The following AHI1 variants were observed in gnomAD, a reference collection of about 807,000 sequenced individuals.
AHI1 encodes Abelson helper integration site 1, also known as jouberin.
In AHI1, 123 loss-of-function variants were observed where a neutral mutation model predicts 149.3. The observed-to-expected ratio is 0.82, with a 90% confidence interval of 0.71 to 0.96. AHI1 has a LOEUF of 0.96. Ranked by LOEUF, AHI1 falls within the 40% of genes least tolerant of loss-of-function variation. The pLI is 0.00. For missense variants in AHI1, 1,439 were observed against 1,422.7 expected (o/e 1.01, Z -0.18); for synonymous variants, 475 against 459.8 (o/e 1.03, Z -0.42).
rs1025802872 is a variant in AHI1, at chr6:135,466,378, G to A, written c.190-5C>T. 11 of 1,609,436 alleles carry A rather than the reference G, an allele frequency of 6.8e-6. No individual in the cohort carries two copies. In the African/African-American group the frequency reaches 1.5e-4, roughly 22 times the overall value. Reference sequence around the variant, plus strand: ...ATTGCTTCTAATAGTGTCGGGCTAGGAAAAGAAGACATGATAACAAAGTTT... The same window carrying A: ...ATTGCTTCTAATAGTGTCGGGCTAGAAAAAGAAGACATGATAACAAAGTTT... On this transcript the variant is annotated splice_polypyrimidine_tract_variant and splice_region_variant and intron_variant, in intron 6 of 28. Transcript: ENST00000265602.
In AHI1 at chr6:135,411,474, A is replaced by C; in HGVS notation, c.2835T>G (p.Ser945Arg). The C allele has an allele frequency of 1.2e-6, 2 of 1,613,232 alleles. No individual in the cohort carries two copies. The highest frequency in any genetic ancestry group is 8.5e-7 in the Non-Finnish European group (1 of 1,179,506). Reference sequence around the variant, plus strand: ...TTGGACAGGTACATAGGGCATCTTGACTTTGGTGTATTCCAGGTAATGGAA... The same window carrying C: ...TTGGACAGGTACATAGGGCATCTTGCCTTTGGTGTATTCCAGGTAATGGAA... Reference protein sequence around the residue: ...GTFPLPGIHQSQDALCTCPKL... With the variant: ...GTFPLPGIHQRQDALCTCPKL... The change falls in exon 21 of 29, where the codon AGT becomes AGG. Residue 945 changes from serine (S) to arginine (R), a missense_variant. Coordinates refer to ENST00000265602, the MANE Select transcript of AHI1 (RefSeq NM_001134831.2).
chr6:135,482,894 C>CTTTTTTTTTTTTT lies in AHI1; in HGVS notation c.135+7716_135+7728dup, dbSNP rs761997683. 9.9e-4 allele frequency among the ~76,000 whole-genome samples: 55 copies of CTTTTTTTTTTTTT among 55,734 alleles called. 23 individuals are homozygous for CTTTTTTTTTTTTT. The highest frequency in any genetic ancestry group is 2.2e-3 in the African/African-American group (24 of 10,788). The allele number at this position is 55,734 out of a possible 152,430, so 36.6% of individuals were successfully genotyped here. The stretch of plus-strand genomic sequence containing the variant: ...TTCAACCAGTATAATCCATTTAAGG[C>CTTTTTTTTTTTTT]TTTTTTTTTTTTTTTGAGACAGAGT... On this transcript the variant is annotated intron_variant, in intron 5 of 28. Transcript: ENST00000265602.
intron 23 of AHI1, among the ~76,000 whole-genome samples, chr6:135,370,677 T>C (rs1431694145): frequency 6.6e-6 from 1 of 152,230 alleles, no homozygotes; most frequent in Non-Finnish European, 1.5e-5. Flanking sequence ...TGTGACCACA[T>C]CTCTTTGATG....
At chr6:135,419,731 G>A (rs1782880551) in intron 20 of AHI1, among the ~76,000 whole-genome samples, 1 of 152,056 alleles carries the variant, frequency 6.6e-6, no homozygotes, top group Admixed American at 6.6e-5. Context: ...AAATGGGGTG[G>A]TTGCTGAAGG....
intron 5 of AHI1, among the ~76,000 whole-genome samples, chr6:135,480,011 C>T (rs1793352887): frequency 6.6e-6 from 1 of 152,152 alleles, no homozygotes; most frequent in African/African-American, 2.4e-5. Context: ...TGTCTGGAAG[C>T]CTCCCCAGCC....
Position 135,431,270 on chromosome 6 carries a change from A to G in AHI1, c.2311T>C (p.Trp771Arg). 1 of 1,609,686 alleles carries G rather than the reference A, an allele frequency of 6.2e-7. No individual in the cohort carries two copies. Among genetic ancestry groups the G allele is most frequent in the Non-Finnish European group, 8.5e-7 (1 of 1,177,346 alleles). Residue 771 changes from tryptophan to arginine, a missense_variant, in exon 17 of 29, where the codon TGG (tryptophan) becomes CGG (arginine). Trp to Arg is a moderately radical substitution (Grantham distance 101). Transcript: ENST00000265602. ...TCATTAATCTTGACATAGGTATTCCAAACAACAATCACCCCTGTACAATCT... is the reference window on the plus strand; with the variant it reads ...TCATTAATCTTGACATAGGTATTCCGAACAACAATCACCCCTGTACAATCT... Reference protein sequence around the residue: ...SGDCTGVIVVWNTYVKINDLE... With the variant: ...SGDCTGVIVVRNTYVKINDLE...
rs142935976 is a variant in AHI1 at position 135,474,228 on chromosome 6, C to G, written c.136-6594G>C. Among the ~76,000 whole-genome samples, 9 of 152,232 alleles carry G rather than the reference C, an allele frequency of 5.9e-5. No individual in the cohort carries two copies. In the Middle Eastern group the frequency reaches 0.01, roughly 173 times the overall value. On this transcript the variant is annotated intron_variant, in intron 5 of 28. Coordinates refer to ENST00000265602, the MANE Select transcript of AHI1 (RefSeq NM_001134831.2). ...GAACCACCTGTAACTTCTAGTAGCACTTTTTTTGTAGATTTTTTTGGGATA... is the reference window on the plus strand; with the variant it reads ...GAACCACCTGTAACTTCTAGTAGCAGTTTTTTTGTAGATTTTTTTGGGATA...
intron 21 of AHI1, among the ~76,000 whole-genome samples, chr6:135,405,908 A>T (rs1202493796): frequency 2.0e-5 from 3 of 151,874 alleles, no homozygotes; most frequent in Non-Finnish European, 4.4e-5. Flanking sequence ...GAAAAAGAAA[A>T]AAAAATACTC....
intron 23 of AHI1, among the ~76,000 whole-genome samples, chr6:135,366,232 G>A (rs1431415857): frequency 6.6e-6 from 1 of 151,080 alleles, no homozygotes; most frequent in Non-Finnish European, 1.5e-5. Flanking sequence ...AGGGATATTG[G>A]TCTGCAGTTT....
chr6:135,340,671 A>ATATATGTG (rs1239589365), intron 24 of AHI1, among the ~76,000 whole-genome samples: 2 of 127,088 alleles, frequency 1.6e-5, no homozygotes, highest in Non-Finnish European at 3.4e-5. Flanking sequence ...ATATATATAT[A>ATATATGTG]TATATATATA....
In AHI1 at chr6:135,448,433, G is replaced by A. The variant is rs891261493; in HGVS notation, c.1483C>T (p.Arg495Cys). 7.7e-6 allele frequency: 12 copies of A among 1,557,654 alleles called. No individual in the cohort carries two copies. The highest frequency in any genetic ancestry group is 1.7e-5 in the Admixed American group (1 of 59,130). ...GTAGGTGGGTAATATAGCTGCAAGC[G>A]AAGTTTTGAGTTGATGTTTGCATTT... ...NGNANINSKL[R>C]LQLYYPPTKP... The change falls in exon 12 of 29, where the codon CGC becomes TGC. Residue 495 changes from arginine (R) to cysteine (C), a missense_variant. Transcript: ENST00000265602.
intron 11 of AHI1, among the ~76,000 whole-genome samples, chr6:135,450,365 G>A (rs1787905518): frequency 6.6e-6 from 1 of 152,164 alleles, no homozygotes; most frequent in African/African-American, 2.4e-5. Context: ...ACGTTGTTCA[G>A]GAATGATAAG....
intron 25 of AHI1, among the ~76,000 whole-genome samples, chr6:135,320,656 G>C (rs1447227481): frequency 6.6e-6 from 1 of 152,122 alleles, no homozygotes; most frequent in Non-Finnish European, 1.5e-5. Flanking sequence ...AAGCCTAAGA[G>C]GTTATTTTTG....
At chr6:135,371,486 T>A (rs1775052899) in intron 23 of AHI1, among the ~76,000 whole-genome samples, 1 of 152,216 alleles carries the variant, frequency 6.6e-6, no homozygotes, top group Admixed American at 6.5e-5. Flanking sequence ...CTGAGTGCCT[T>A]TGTTATCATT....
chr6:135,352,663 T>C (rs1582763064), intron 24 of AHI1, among the ~76,000 whole-genome samples: 2 of 151,406 alleles, frequency 1.3e-5, no homozygotes, highest in South Asian at 2.1e-4. Context: ...GTCACTTTTC[T>C]AATGACATCA....
At chr6:135,491,841 CAG>C (rs1795294893) in intron 4 of AHI1, among the ~76,000 whole-genome samples, 1 of 152,156 alleles carries the variant, frequency 6.6e-6, no homozygotes, top group African/African-American at 2.4e-5. Flanking sequence ...TTAAAAGAGA[CAG>C]AGAGACAGAG....
intron 21 of AHI1, 68 bp downstream of exon 21, chr6:135,411,274 AATATTT>A: frequency 7.4e-7 from 1 of 1,351,456 alleles, no homozygotes; most frequent in Non-Finnish European, 1.0e-6. Flanking sequence ...TCATTAAATG[AATATTT>A]ATTGGCATGG....
intron 23 of AHI1, among the ~76,000 whole-genome samples, chr6:135,364,095 C>T (rs1355856361): frequency 2.0e-5 from 3 of 150,688 alleles, no homozygotes; most frequent in Admixed American, 6.6e-5. Flanking sequence ...CCCTCCCGGA[C>T]GAGGTGGCTG....
At chr6:135,338,158 G>A (rs977367615) in intron 24 of AHI1, among the ~76,000 whole-genome samples, 1 of 151,852 alleles carries the variant, frequency 6.6e-6, no homozygotes, top group South Asian at 2.1e-4. Context: ...AAAATTAGCC[G>A]GCATGGTGGC....
Sources: allele counts gnomAD v4.1 joint callset (sites outside exome capture counted in the v4.1 genomes callset), GRCh38; gene constraint gnomAD v4.1.1; transcripts MANE v1.5; gene names NCBI Gene and HGNC (gene_info 2026-07-23, HGNC 2026-07-21).